The following DHX34 variants were observed in gnomAD, a reference collection of about 807,000 sequenced individuals.
The protein encoded by DHX34 is DExH-box helicase 34, also known as probable ATP-dependent RNA helicase DHX34.
In DHX34, 96 loss-of-function variants were observed where a neutral mutation model predicts 111.1. That is an observed-to-expected ratio of 0.86 (90% CI 0.73 to 1.02). The LOEUF is 1.02. DHX34 is among the 50% of genes least tolerant of loss of function. The pLI, the probability that DHX34 is intolerant of heterozygous loss-of-function variation, is 0.00. For missense variants in DHX34, 1,560 were observed against 1,579.9 expected (o/e 0.99, Z 0.21); for synonymous variants, 688 against 670.4 (o/e 1.03, Z -0.41).
At position 47,378,063 on chromosome 19, in the gene DHX34, C is replaced by T. The variant is rs115258941; in HGVS notation, c.2706+857C>T. On this transcript the variant is annotated intron_variant, in intron 13 of 16. Coordinates refer to ENST00000328771, the MANE Select transcript of DHX34 (RefSeq NM_014681.6). Reference sequence around the variant, plus strand: ...CTAAGTCACACACCGAGCAGGTGGCCAAGCCAGAGCTCCTGGGTCACACTG... The same window carrying T: ...CTAAGTCACACACCGAGCAGGTGGCTAAGCCAGAGCTCCTGGGTCACACTG... 5.6e-3 allele frequency among the ~76,000 whole-genome samples: 856 copies of T among 152,272 alleles called. 10 individuals are homozygous for T. Among genetic ancestry groups the T allele is most frequent in the African/African-American group, 0.019 (801 of 41,564 alleles).
chr19:47,355,319 T>C lies in DHX34; in HGVS notation c.986T>C (p.Val329Ala). ...FSSYFSNAPV[V>A]QVPGRLFPIT... ...AGCTATTTCAGCAATGCCCCTGTGG[T>C]ACAGGTGCCTGGGAGGCTGTTCCCC... The change falls in exon 3 of 17, where the codon GTA becomes GCA. Residue 329 changes from valine (V) to alanine (A), a missense_variant. Physicochemically the swap from Val to Ala is moderately conservative, Grantham distance 64 (BLOSUM62 0). Coordinates refer to ENST00000328771, the MANE Select transcript of DHX34 (RefSeq NM_014681.6). 6.2e-7 allele frequency: 1 copy of C among 1,613,772 alleles called. No homozygotes were observed. Among genetic ancestry groups the C allele is most frequent in the Non-Finnish European group, 8.5e-7 (1 of 1,179,684 alleles).
At chr19:47,381,482 A>T in intron 16 of DHX34, 158 bp downstream of exon 16, 2 of 1,107,754 alleles carry the variant, frequency 1.8e-6, no homozygotes, top group Non-Finnish European at 1.2e-6. Context: ...TGTCCTGAAG[A>T]TCAGGAGCCC....
chr19:47,379,713 C>G lies in DHX34; in HGVS notation c.2710C>G (p.Leu904Val). The G allele has an allele frequency of 6.3e-7, 1 of 1,595,892 alleles. No homozygotes were observed. Among genetic ancestry groups the G allele is most frequent in the Non-Finnish European group, 8.6e-7 (1 of 1,165,456 alleles). ...TCTTCTGCCCCCTCTCTTTCAGTCCCTCCTGCTTTTTAGCCGGTCTTTGGA... is the reference window on the plus strand; with the variant it reads ...TCTTCTGCCCCCTCTCTTTCAGTCCGTCCTGCTTTTTAGCCGGTCTTTGGA... ...NCVRIPALQS[L>V]LLFSRSLDTN... The change falls in exon 14 of 17, where the codon CTC becomes GTC. Residue 904 changes from leucine (L) to valine (V), a missense_variant. Leu to Val is a conservative substitution (Grantham distance 32). Transcript: ENST00000328771.
chr19:47,381,652 G>T (rs996599960), intron 16 of DHX34: 3 of 599,730 alleles, frequency 5.0e-6, no homozygotes, highest in African/African-American at 1.9e-5. Flanking sequence ...CCTCCACCCT[G>T]TTGTCACCCA....
At chr19:47,373,736 T>TC in intron 9 of DHX34, 36 bp downstream of exon 9, 1 of 1,600,760 alleles carries the variant, frequency 6.2e-7, no homozygotes, top group Non-Finnish European at 8.5e-7. Flanking sequence ...CCGGCCCCAC[T>TC]CAGGCAGACG....
chr19:47,368,035 T>G (rs1000977782), intron 7 of DHX34, among the ~76,000 whole-genome samples: 1 of 152,092 alleles, frequency 6.6e-6, no homozygotes, highest in South Asian at 2.1e-4. Flanking sequence ...ATGTTATTTT[T>G]TACCATACGA....
chr19:47,373,499 C>T, intron 8 of DHX34, 100 bp from the exon 9 acceptor site: 2 of 1,501,790 alleles, frequency 1.3e-6, no homozygotes, highest in Non-Finnish European at 1.8e-6. Flanking sequence ...GAGCAGGTGT[C>T]CCTGAGGGAT....
In DHX34 at chr19:47,382,196, C is replaced by A. The variant is rs1970388992; in HGVS notation, c.*83C>A. On this transcript the variant is annotated 3_prime_UTR_variant, in exon 17 of 17. Transcript: ENST00000328771. ...TAGGGGCAGGACTCTTGCCTGAACC[C>A]CCAGCCTGGGCTTAGCCCTGTGGTC... is the stretch of plus-strand genomic sequence containing the variant. The A allele has an allele frequency of 9.0e-6, 14 of 1,560,228 alleles. No homozygotes were observed. The highest frequency in any genetic ancestry group is 2.0e-5 in the Admixed American group (1 of 50,348).
At chr19:47,369,441 C>T (rs183533953) in intron 7 of DHX34, among the ~76,000 whole-genome samples, 26 of 152,318 alleles carry the variant, frequency 1.7e-4, no homozygotes, top group African/African-American at 6.0e-4. Flanking sequence ...AGCTCCTGGC[C>T]CATTCATTAA....
Position 47,368,138 on chromosome 19 carries a change from C to T in DHX34, c.1768+983C>T, listed in dbSNP as rs999599718. On this transcript the variant is annotated intron_variant, in intron 7 of 16. Transcript: ENST00000328771. ...GCCGTATTGGACAGTGCAGATGGTG[C>T]ATGAGGGTGTTCGGGCAGTGGGAAC... 2.9e-3 allele frequency among the ~76,000 whole-genome samples: 437 copies of T among 149,952 alleles called. 3 individuals are homozygous for T. The highest frequency in any genetic ancestry group is 7.0e-3 in the Middle Eastern group (2 of 286).
At position 47,362,355 on chromosome 19, in the gene DHX34, A is replaced by G. The variant is rs568188204; in HGVS notation, c.1376-121A>G. 3.0e-5 allele frequency: 39 copies of G among 1,309,958 alleles called. 3 individuals are homozygous for G. The South Asian group carries it at 8.7e-4, about 29-fold the overall frequency. The allele number at this position is 1,309,958 out of a possible 1,614,324, so 81.1% of individuals were successfully genotyped here. A position where few individuals can be genotyped will look rare whatever the true frequency, so the allele number is the denominator to read the frequency against. On this transcript the variant is annotated intron_variant, in intron 5 of 16. Coordinates refer to ENST00000328771, the MANE Select transcript of DHX34 (RefSeq NM_014681.6). ...AGAGTTGGGCCCAGAATAAGCCCTCAGTTAGCATTAACAGAATAAAGGAGT... is the reference window on the plus strand; with the variant it reads ...AGAGTTGGGCCCAGAATAAGCCCTCGGTTAGCATTAACAGAATAAAGGAGT...
intron 7 of DHX34, among the ~76,000 whole-genome samples, chr19:47,368,160 G>C (rs1420153990): frequency 2.0e-5 from 3 of 150,662 alleles, no homozygotes; most frequent in Non-Finnish European, 1.5e-5. Context: ...CGGGCAGTGG[G>C]AACAGCCAGT....
intron 2 of DHX34, among the ~76,000 whole-genome samples, chr19:47,354,282 A>C (rs941326939): frequency 6.6e-6 from 1 of 152,048 alleles, no homozygotes; most frequent in Non-Finnish European, 1.5e-5. Flanking sequence ...ATTCTTGACG[A>C]TCACTGCAAT....
At chr19:47,374,436 CAAA>C (rs35585186) in intron 9 of DHX34, among the ~76,000 whole-genome samples, 25 of 103,592 alleles carry the variant, frequency 2.4e-4, no homozygotes, top group Admixed American at 2.1e-4. Flanking sequence ...AAACTCCACT[CAAA>C]AAAAAAAAAA....
chr19:47,360,635 T>C (rs954497620), intron 5 of DHX34, among the ~76,000 whole-genome samples: 22 of 152,110 alleles, frequency 1.4e-4, no homozygotes, highest in Admixed American at 1.3e-3. Flanking sequence ...CTCCATCCGC[T>C]GTTGCTTGTC....
At chr19:47,374,850 AT>A (rs2122335201) in intron 9 of DHX34, among the ~76,000 whole-genome samples, 1 of 152,328 alleles carries the variant, frequency 6.6e-6, no homozygotes, top group Non-Finnish European at 1.5e-5. Flanking sequence ...ACAGACACAC[AT>A]GCACGCACAA....
intron 1 of DHX34, among the ~76,000 whole-genome samples, chr19:47,350,454 T>C (rs1482476027): frequency 6.7e-6 from 1 of 148,798 alleles, no homozygotes; most frequent in Non-Finnish European, 1.5e-5. Context: ...GGAGTTTCGC[T>C]CTTGTTGCCC....
chr19:47,355,808 C>T (rs1210247782), intron 3 of DHX34, among the ~76,000 whole-genome samples: 2 of 151,774 alleles, frequency 1.3e-5, no homozygotes, highest in South Asian at 2.1e-4. Context: ...GCCGAGATCG[C>T]GCCACTGCAC....
At chr19:47,349,973 C>T (rs1338515863) in intron 1 of DHX34, among the ~76,000 whole-genome samples, 1 of 152,100 alleles carries the variant, frequency 6.6e-6, no homozygotes, top group African/African-American at 2.4e-5. Flanking sequence ...TAACACTCGG[C>T]TACTCACTTA....
Sources: gnomAD v4.1 joint callset for allele counts (sites outside exome capture counted in the v4.1 genomes callset) on GRCh38, gnomAD v4.1.1 for gene constraint, MANE v1.5 for transcripts, NCBI Gene and HGNC (gene_info 2026-07-23, HGNC 2026-07-21) for gene names.